LARP1B: variants seen among roughly 807,000 people sequenced by gnomAD.
The protein encoded by LARP1B is la-related protein 1B.
A neutral mutation model predicts 114.2 loss-of-function variants in LARP1B; 76 were observed. That is an observed-to-expected ratio of 0.67 (90% CI 0.55 to 0.81). The LOEUF is 0.81. Ranked by LOEUF, LARP1B falls within the 30% of genes least tolerant of loss-of-function variation. The pLI is 0.00. For missense variants in LARP1B, 1,014 were observed against 1,075.8 expected, an observed-to-expected ratio of 0.94 and a Z score of 0.80; for synonymous variants, 345 against 348.0, an observed-to-expected ratio of 0.99 and a Z score of 0.10.
intron 7 of LARP1B, among the ~76,000 whole-genome samples, chr4:128,096,056 C>T (rs969748169): frequency 3.4e-5 from 5 of 146,462 alleles, no homozygotes; most frequent in Admixed American, 2.8e-4. Flanking sequence ...TGCAGTGGCA[C>T]GATCTCAGCT....
At chr4:128,072,941 A>G (rs1055120768) in intron 1 of LARP1B, among the ~76,000 whole-genome samples, 2 of 152,166 alleles carry the variant, frequency 1.3e-5, no homozygotes, top group African/African-American at 2.4e-5. Flanking sequence ...TCTAAAAGTT[A>G]TATAGTATTC....
chr4:128,151,909 A>G (rs1260522948), intron 11 of LARP1B, among the ~76,000 whole-genome samples: 1 of 151,628 alleles, frequency 6.6e-6, no homozygotes, highest in Non-Finnish European at 1.5e-5. Flanking sequence ...CAGCCAGGTT[A>G]AGTATTTTTG....
chr4:128,206,055 C>A (rs1052231832), intron 17 of LARP1B, among the ~76,000 whole-genome samples: 13 of 152,286 alleles, frequency 8.5e-5, no homozygotes, highest in Middle Eastern at 3.4e-3. Flanking sequence ...CTTTGGGAGG[C>A]CGAGGCAGAT....
intron 10 of LARP1B, among the ~76,000 whole-genome samples, chr4:128,120,569 A>G (rs1787575199): frequency 6.6e-6 from 1 of 150,744 alleles, no homozygotes; most frequent in African/African-American, 2.4e-5. Context: ...TCCAGGGTTC[A>G]AGCGATTCTC....
In LARP1B at chr4:128,063,427, CAAAAAAAAAAAA is replaced by C. The variant is rs763868048; in HGVS notation, c.-78+2045_-78+2056del. The stretch of plus-strand genomic sequence containing the variant: ...TGGTCGGCAGAGTGAGACCCACTCT[CAAAAAAAAAAAA>C]AAAAAAAAAAAAAAAAAAGTTAAAA... On this transcript the variant is annotated intron_variant, in intron 1 of 19. Transcript: ENST00000326639. 5.1e-3 allele frequency among the ~76,000 whole-genome samples: 67 copies of C among 13,220 alleles called. 1 individual carries two copies. Among genetic ancestry groups the C allele is most frequent in the African/African-American group, 9.1e-3 (46 of 5,066 alleles). 8.7% of individuals were successfully genotyped at this position (13,220 alleles called of 152,430 possible). A position where few individuals can be genotyped will look rare whatever the true frequency, so the allele number is the denominator to read the frequency against.
intron 11 of LARP1B, chr4:128,155,657 C>A: frequency 6.4e-7 from 1 of 1,555,262 alleles, no homozygotes; most frequent in Non-Finnish European, 8.8e-7. Context: ...GGGCCGCCTC[C>A]AGTGGTGTGT....
chr4:128,206,616 A>G lies in LARP1B; in HGVS notation c.2419+79A>G, dbSNP rs892224498. The G allele has an allele frequency of 9.3e-6, 14 of 1,507,340 alleles. No homozygotes were observed. In the African/African-American group the frequency reaches 1.5e-4, roughly 17 times the overall value. 93.4% of individuals were successfully genotyped at this position (1,507,340 alleles called of 1,614,324 possible). ...CTGTCAGTAAATAGGGAAGGAGTTC[A>G]TAGTTTTTTTCTTCAGGGCAAACCA... On this transcript the variant is annotated intron_variant, in intron 18 of 19. Coordinates refer to ENST00000326639, the MANE Select transcript of LARP1B (RefSeq NM_018078.4).
chr4:128,176,622 A>G (rs774819243), intron 12 of LARP1B, among the ~76,000 whole-genome samples: 1 of 152,060 alleles, frequency 6.6e-6, no homozygotes, highest in African/African-American at 2.4e-5. Context: ...GCATAAGGAA[A>G]ACAGTATTAA....
At chr4:128,120,452 C>T (rs1190418274) in intron 10 of LARP1B, among the ~76,000 whole-genome samples, 3 of 143,824 alleles carry the variant, frequency 2.1e-5, no homozygotes, top group Non-Finnish European at 4.5e-5. Context: ...GTTTTAAGTT[C>T]TTTTTTTTTT....
intron 8 of LARP1B, among the ~76,000 whole-genome samples, chr4:128,099,725 C>A (rs750042128): frequency 6.6e-6 from 1 of 151,702 alleles, no homozygotes; most frequent in African/African-American, 2.4e-5. Context: ...TACACACACA[C>A]ACACACACAC....
chr4:128,094,214 C>G (rs1260262457), intron 7 of LARP1B, among the ~76,000 whole-genome samples: 1 of 151,964 alleles, frequency 6.6e-6, no homozygotes. Context: ...CGTGAGCCAC[C>G]ACACCTGGCC....
At chr4:128,122,597 G>A in intron 11 of LARP1B, 1 of 1,495,770 alleles carries the variant, frequency 6.7e-7, no homozygotes, top group Non-Finnish European at 8.8e-7. Flanking sequence ...GTATGAGCCA[G>A]TGGCTTTAGA....
intron 15 of LARP1B, among the ~76,000 whole-genome samples, chr4:128,196,747 T>G (rs1754295987): frequency 6.6e-6 from 1 of 152,112 alleles, no homozygotes; most frequent in Admixed American, 6.5e-5. Flanking sequence ...CCCATGTTTG[T>G]AGCAGCATTA....
chr4:128,095,985 G>A (rs999959572), intron 7 of LARP1B, among the ~76,000 whole-genome samples: 3 of 148,374 alleles, frequency 2.0e-5, no homozygotes, highest in African/African-American at 5.0e-5. Flanking sequence ...CATATATGGA[G>A]GCTATAATTT....
chr4:128,203,268 G>A (rs569840728), intron 17 of LARP1B, among the ~76,000 whole-genome samples: 4 of 152,112 alleles, frequency 2.6e-5, no homozygotes, highest in African/African-American at 9.6e-5. Flanking sequence ...CATTTAAAGG[G>A]CTTAACACAT....
chr4:128,140,822 C>CTTT (rs1561381693), intron 11 of LARP1B, among the ~76,000 whole-genome samples: 12 of 64,322 alleles, frequency 1.9e-4, no homozygotes, highest in Non-Finnish European at 3.2e-4. Context: ...TTAATTGTCT[C>CTTT]TGTTTTTTTT....
At chr4:128,107,911 G>T in intron 9 of LARP1B, 1 of 1,535,948 alleles carries the variant, frequency 6.5e-7, no homozygotes, top group Admixed American at 2.0e-5. Flanking sequence ...GAAGCTCTTG[G>T]ATGTCATTTG....
At chr4:128,068,132 G>A (rs918634342) in intron 1 of LARP1B, among the ~76,000 whole-genome samples, 15 of 151,980 alleles carry the variant, frequency 9.9e-5, no homozygotes, top group African/African-American at 2.7e-4. Context: ...CACCCGCCTC[G>A]GCCTCCCAAA....
At chr4:128,065,426 T>A (rs1032188892) in intron 1 of LARP1B, among the ~76,000 whole-genome samples, 1 of 150,770 alleles carries the variant, frequency 6.6e-6, no homozygotes, top group African/African-American at 2.4e-5. Context: ...CCCAGGCTGG[T>A]CTTGAACTGC....
Sources: gnomAD v4.1 joint callset for allele counts (sites outside exome capture counted in the v4.1 genomes callset) on GRCh38, gnomAD v4.1.1 for gene constraint, MANE v1.5 for transcripts, NCBI Gene and HGNC (gene_info 2026-07-23, HGNC 2026-07-21) for gene names.